TRMT1: variants seen among roughly 807,000 people sequenced by gnomAD.
TRMT1 encodes tRNA methyltransferase 1.
A neutral mutation model predicts 75.4 loss-of-function variants in TRMT1; 63 were observed. That is an observed-to-expected ratio of 0.84 (90% confidence interval 0.68 to 1.03). The LOEUF (loss-of-function observed/expected upper bound fraction) is 1.03, where lower values mean the gene tolerates loss of function less well. TRMT1 is among the 50% of genes least tolerant of loss of function. The pLI is 0.00. For missense variants in TRMT1, 870 were observed against 905.3 expected (o/e 0.96, Z 0.50); for synonymous variants, 382 against 358.1 (o/e 1.07, Z -0.75).
intron 14 of TRMT1, among the ~76,000 whole-genome samples, chr19:13,107,246 T>C (rs1233599207): frequency 6.6e-6 from 1 of 152,172 alleles, no homozygotes; most frequent in Non-Finnish European, 1.5e-5. Flanking sequence ...GCGATTCTCC[T>C]GTCTCAGCCT....
rs768687163 is a variant in TRMT1, at chr19:13,116,036, C to G, written c.271G>C (p.Glu91Gln). The G allele has an allele frequency of 1.2e-6, 2 of 1,614,036 alleles. No individual in the cohort carries two copies. The highest frequency in any genetic ancestry group is 8.5e-7 in the Non-Finnish European group (1 of 1,180,002). The change falls in exon 3 of 17, where the codon GAG becomes CAG. Residue 91 changes from glutamate (E) to glutamine (Q), a missense_variant. Transcript: ENST00000357720. Reference protein sequence around the residue: ...NRDLTCAVITEFARIQLGAKG... With the variant: ...NRDLTCAVITQFARIQLGAKG... ...GCCCCAAGCTGAATGCGAGCAAACTCGGTGATCACAGCACATCTGGTGGGA... is the reference window on the plus strand; with the variant it reads ...GCCCCAAGCTGAATGCGAGCAAACTGGGTGATCACAGCACATCTGGTGGGA...
Position 13,105,259 on chromosome 19 carries a change from G to GT in TRMT1, c.1833+7_1833+8insA. The GT allele has an allele frequency of 6.2e-7, 1 of 1,611,414 alleles. No homozygotes were observed. The highest frequency in any genetic ancestry group is 8.5e-7 in the Non-Finnish European group (1 of 1,178,460). On this transcript the variant is annotated splice_region_variant and intron_variant, in intron 16 of 16. Transcript: ENST00000357720. ...CCTGCAGTGGAGGAAAGGGAGGAGG[G>GT]ACCTCACCTCCTTAAACCTCTTGCA... is the stretch of plus-strand genomic sequence containing the variant.
In TRMT1 at chr19:13,107,854, G is replaced by A. The variant is rs760103686; in HGVS notation, c.1403C>T (p.Ala468Val). The A allele has an allele frequency of 1.3e-6, 2 of 1,551,564 alleles. No individual in the cohort carries two copies. Among genetic ancestry groups the A allele is most frequent in the South Asian group, 2.4e-5 (2 of 84,050 alleles). ...GACCCGGAAGTCAGCGTGGAGGAGG[G>A]CCGACCTGGGGAACAGCAGGGATTA... The part of the protein sequence containing the change: ...NTPSLLQLRS[A>V]LLHADFRVSL... Residue 468 changes from alanine to valine, a missense_variant, in exon 13 of 17, where the codon GCC becomes GTC. Transcript: ENST00000357720.
In TRMT1 at chr19:13,116,012, C is replaced by T. The variant is rs1317064902; in HGVS notation, c.295G>A (p.Ala99Thr). The stretch of plus-strand genomic sequence containing the variant: ...CTCCACTCACTCTGGATTCCTTTGG[C>T]CCCAAGCTGAATGCGAGCAAACTCG... ...ITEFARIQLG[A>T]KGIQIKVPGE... The change falls in exon 3 of 17, where the codon GCC becomes ACC. Residue 99 changes from alanine (A) to threonine (T), a missense_variant. Ala to Thr is a moderately conservative substitution (Grantham distance 58). Transcript: ENST00000357720. 2 of 1,613,984 alleles carry T rather than the reference C, an allele frequency of 1.2e-6. No individual in the cohort carries two copies. Among genetic ancestry groups the T allele is most frequent in the Non-Finnish European group, 8.5e-7 (1 of 1,180,006 alleles).
intron 7 of TRMT1, among the ~76,000 whole-genome samples, chr19:13,110,823 G>A (rs1342777167): frequency 6.6e-6 from 1 of 152,124 alleles, no homozygotes; most frequent in Non-Finnish European, 1.5e-5. Context: ...GGTGGCGGGC[G>A]CCTGTAATCC....
chr19:13,108,287 CCTT>C (rs962050407), intron 12 of TRMT1, among the ~76,000 whole-genome samples: 2 of 143,198 alleles, frequency 1.4e-5, no homozygotes, highest in African/African-American at 2.6e-5. Flanking sequence ...CCGTGCCTGG[CCTT>C]CTTATTTATT....
Position 13,109,803 on chromosome 19 carries a change from G to C in TRMT1, c.1142C>G (p.Thr381Ser), listed in dbSNP as rs2019060348. The C allele has an allele frequency of 1.2e-6, 2 of 1,614,166 alleles. No homozygotes were observed. The highest frequency in any genetic ancestry group is 1.7e-6 in the Non-Finnish European group (2 of 1,180,036). The change falls in exon 10 of 17, where the codon ACC becomes AGC. Residue 381 changes from threonine (T) to serine (S), a missense_variant. Transcript: ENST00000357720. ...TTGCCCACAGTGTTCACACTCGGGG[G>C]TCACAGGGGGACCACAGGCTGCAGA... ...KFSAACGPPV[T>S]PECEHCGQRH... is the part of the protein sequence containing the mutation.
chr19:13,112,666 C>T (rs756912657), intron 7 of TRMT1, 39 bp downstream of exon 7: 29 of 1,584,066 alleles, frequency 1.8e-5, no homozygotes, highest in African/African-American at 2.7e-5. Flanking sequence ...AACCACCTGT[C>T]CCCCGGTCTC....
chr19:13,105,822 G>A (rs2018843338), intron 14 of TRMT1, among the ~76,000 whole-genome samples: 1 of 152,184 alleles, frequency 6.6e-6, no homozygotes, highest in Non-Finnish European at 1.5e-5. Flanking sequence ...AGCATTTTGG[G>A]AGGCTGAGGC....
chr19:13,112,041 C>T (rs796510585), intron 7 of TRMT1, among the ~76,000 whole-genome samples: 7 of 151,554 alleles, frequency 4.6e-5, no homozygotes, highest in African/African-American at 1.2e-4. Context: ...CCCAGGCTGG[C>T]GTGCAGCGGA....
chr19:13,108,836 C>G (rs1256783708), intron 12 of TRMT1, among the ~76,000 whole-genome samples: 1 of 151,878 alleles, frequency 6.6e-6, no homozygotes, highest in East Asian at 1.9e-4. Flanking sequence ...TCTTGAACTC[C>G]TGACCTCAAG....
rs1179254053 is a variant in TRMT1 at position 13,109,453 on chromosome 19, A to G, written c.1325T>C (p.Val442Ala). Reference protein sequence around the residue: ...LSVITEELPDVPLYYTLDQLS... With the variant: ...LSVITEELPDAPLYYTLDQLS... ...CTGGTCCAGGGTGTAGTACAGAGGC[A>G]CGTCCGGGAGCTCCTGCGATGGGGG... Residue 442 changes from valine to alanine, a missense_variant, in exon 12 of 17, where the codon GTG becomes GCG. By Grantham distance (64) the Val-to-Ala change is moderately conservative. Transcript: ENST00000357720. 6.2e-7 allele frequency: 1 copy of G among 1,613,806 alleles called. No individual in the cohort carries two copies.
At chr19:13,112,646 G>A in intron 7 of TRMT1, 59 bp downstream of exon 7, 1 of 1,521,708 alleles carries the variant, frequency 6.6e-7, no homozygotes, top group Non-Finnish European at 9.0e-7. Context: ...TATTGGGAAG[G>A]GACTCAGACA....
At position 13,116,126 on chromosome 19, in the gene TRMT1, A is replaced by C; in HGVS notation, c.254+20T>G. ...CTGACCCACTAGCCGATGCCAGGCTAACGTCTGACCCCTGCTCACGTCAGG... is the reference window on the plus strand; with the variant it reads ...CTGACCCACTAGCCGATGCCAGGCTCACGTCTGACCCCTGCTCACGTCAGG... On this transcript the variant is annotated intron_variant, in intron 2 of 16. Transcript: ENST00000357720. 1 of 1,613,982 alleles carries C rather than the reference A, an allele frequency of 6.2e-7. No homozygotes were observed. Among genetic ancestry groups the C allele is most frequent in the Non-Finnish European group, 8.5e-7 (1 of 1,179,982 alleles).
Position 13,105,588 on chromosome 19 carries a change from G to T in TRMT1, c.1602C>A (p.Thr534=). The change falls in exon 15 of 17, where the codon ACC becomes ACA. Residue 534 remains threonine (T), a synonymous_variant. Coordinates refer to ENST00000357720, the MANE Select transcript of TRMT1 (RefSeq NM_001136035.4). ...AGCTGGGGTTGGCATCTTCCCGGAT[G>T]GTGAAGTTGGCCTGCAGCCTAGGGA... ...SVEPRLQANF[T]IREDANPSSR... The T allele has an allele frequency of 6.2e-7, 1 of 1,613,716 alleles. No homozygotes were observed. The highest frequency in any genetic ancestry group is 1.3e-5 in the African/African-American group (1 of 75,060).
chr19:13,109,085 G>GGTGTGTGTGTGTGTGTGTGT (rs57825932), intron 12 of TRMT1, among the ~76,000 whole-genome samples: 6 of 147,360 alleles, frequency 4.1e-5, no homozygotes, highest in African/African-American at 1.2e-4. Context: ...CAGGCTAATG[G>GGTGTGTGTGTGTGTGTGTGT]GTGTGTGTGT....
chr19:13,107,341 T>C (rs1359719385), intron 14 of TRMT1, among the ~76,000 whole-genome samples: 1 of 151,930 alleles, frequency 6.6e-6, no homozygotes, highest in African/African-American at 2.4e-5. Flanking sequence ...GGTTCCACCA[T>C]GTTGGCCAGG....
At chr19:13,106,031 C>T (rs1439536478) in intron 14 of TRMT1, among the ~76,000 whole-genome samples, 1 of 151,866 alleles carries the variant, frequency 6.6e-6, no homozygotes, top group East Asian at 1.9e-4. Flanking sequence ...CACTGCACTC[C>T]AGCCTGGGCA....
rs777116447 is a variant in TRMT1 at position 13,104,984 on chromosome 19, T to C, written c.1931A>G (p.Asn644Ser). ...DAAPDCPETS[N>S]QTPPGPGAAA... ...AGCCCCAGGTCCAGGGGGGGTCTGG[T>C]TGGAGGTCTCTGGACAGTCAGGGGC... is the stretch of plus-strand genomic sequence containing the variant. The change falls in exon 17 of 17, where the codon AAC becomes AGC. Residue 644 changes from asparagine (N) to serine (S), a missense_variant. Coordinates refer to ENST00000357720, the MANE Select transcript of TRMT1 (RefSeq NM_001136035.4). 6.8e-6 allele frequency: 11 copies of C among 1,613,570 alleles called. No homozygotes were observed. In the Admixed American group the frequency reaches 1.0e-4, roughly 15 times the overall value.
Sources: gnomAD v4.1 joint callset for allele counts (sites outside exome capture counted in the v4.1 genomes callset) on GRCh38, gnomAD v4.1.1 for gene constraint, MANE v1.5 for transcripts, NCBI Gene and HGNC (gene_info 2026-07-23, HGNC 2026-07-21) for gene names.